The following CORO2A variants were observed in gnomAD, a reference collection of about 807,000 sequenced individuals.
The protein encoded by CORO2A is coronin-2A.
A neutral mutation model predicts 62.4 loss-of-function variants in CORO2A; 47 were observed. That is an observed-to-expected ratio of 0.75 (90% CI 0.60 to 0.96). The LOEUF (loss-of-function observed/expected upper bound fraction) is 0.96. Ranked by LOEUF, CORO2A falls within the 40% of genes least tolerant of loss-of-function variation. The pLI is 0.00. For synonymous variants in CORO2A, 273 were observed against 268.9 expected (o/e 1.02, Z -0.15); for missense variants, 610 against 684.1 (o/e 0.89, Z 1.21).
intron 1 of CORO2A, among the ~76,000 whole-genome samples, chr9:98,180,066 G>A (rs1306292690): frequency 3.3e-5 from 5 of 152,046 alleles, no homozygotes; most frequent in East Asian, 3.9e-4. Context: ...GACATTTTAC[G>A]ATCATAATGT....
intron 4 of CORO2A, among the ~76,000 whole-genome samples, chr9:98,133,899 C>G (rs566960620): frequency 1.3e-5 from 2 of 151,662 alleles, no homozygotes; most frequent in South Asian, 4.2e-4. Flanking sequence ...GACTACTTGA[C>G]GCATTTTCCC....
intron 1 of CORO2A, among the ~76,000 whole-genome samples, chr9:98,159,857 C>T (rs1827860115): frequency 6.6e-6 from 1 of 152,100 alleles, no homozygotes; most frequent in Non-Finnish European, 1.5e-5. Flanking sequence ...CCTTGGGCCC[C>T]CACCTTCCCC....
chr9:98,176,025 A>G (rs1828104902), intron 1 of CORO2A, among the ~76,000 whole-genome samples: 1 of 152,246 alleles, frequency 6.6e-6, no homozygotes, highest in South Asian at 2.1e-4. Flanking sequence ...ATAAAAATGA[A>G]TATGGGCTTT....
chr9:98,158,933 T>C (rs898545626), intron 1 of CORO2A, among the ~76,000 whole-genome samples: 2 of 152,128 alleles, frequency 1.3e-5, no homozygotes, highest in African/African-American at 4.8e-5. Flanking sequence ...ACAAGTGGCC[T>C]GTGAGAGGGT....
At chr9:98,151,455 G>A (rs1264504157) in intron 2 of CORO2A, among the ~76,000 whole-genome samples, 1 of 152,122 alleles carries the variant, frequency 6.6e-6, no homozygotes, top group Non-Finnish European at 1.5e-5. Context: ...TATTGCAAAT[G>A]TTTAATTATA....
chr9:98,131,160 G>A (rs990735192), intron 6 of CORO2A, 101 bp from the exon 7 acceptor site: 2 of 735,416 alleles, frequency 2.7e-6, no homozygotes, highest in Admixed American at 2.5e-5. Context: ...CTGGGCGAGA[G>A]TGTGTGTGTC....
At chr9:98,125,709 ATT>A (rs993617176) in intron 11 of CORO2A, among the ~76,000 whole-genome samples, 68 of 89,578 alleles carry the variant, frequency 7.6e-4, no homozygotes, top group African/African-American at 2.9e-3. Context: ...GTTTCCCACC[ATT>A]TTTTTTTTTT....
chr9:98,177,466 T>TG (rs1828123790), intron 1 of CORO2A, among the ~76,000 whole-genome samples: 1 of 136,056 alleles, frequency 7.3e-6, no homozygotes, highest in African/African-American at 3.0e-5. Context: ...TGTTTTTTTT[T>TG]TTTTTTTTTT....
At chr9:98,141,349 CTTTTTT>C (rs138734683) in intron 2 of CORO2A, among the ~76,000 whole-genome samples, 21 of 103,844 alleles carry the variant, frequency 2.0e-4, no homozygotes, top group Non-Finnish European at 4.0e-4. Flanking sequence ...ACCACTGACC[CTTTTTT>C]TTTTTTTTTT....
chr9:98,155,342 A>AATTTTT (rs747348070), intron 2 of CORO2A, among the ~76,000 whole-genome samples: 1 of 101,862 alleles, frequency 9.8e-6, no homozygotes, highest in Non-Finnish European at 1.9e-5. Flanking sequence ...TTATTGCTCA[A>AATTTTT]TTTTTTTTTT....
Position 98,151,909 on chromosome 9 carries a change from C to T in CORO2A, c.201+5551G>A, listed in dbSNP as rs190879463. On this transcript the variant is annotated intron_variant, in intron 2 of 11. Coordinates refer to ENST00000375077, the MANE Select transcript of CORO2A (RefSeq NM_052820.4). ...TCGACTCACTGCAAGCTCTGCCTCC[C>T]GGGTTCACGCCATTCTCCTGCCTCA... 1.3e-3 allele frequency among the ~76,000 whole-genome samples: 202 copies of T among 151,184 alleles called. 1 individual carries two copies. The East Asian group carries it at 0.035, about 26-fold the overall frequency.
chr9:98,138,674 C>G (rs2118827319), intron 2 of CORO2A, among the ~76,000 whole-genome samples: 1 of 152,322 alleles, frequency 6.6e-6, no homozygotes, highest in African/African-American at 2.4e-5. Context: ...AGATGATGTT[C>G]CAGATGTGGT....
At chr9:98,135,637 G>A (rs1009588158) in intron 3 of CORO2A, among the ~76,000 whole-genome samples, 1 of 152,148 alleles carries the variant, frequency 6.6e-6, no homozygotes, top group Non-Finnish European at 1.5e-5. Flanking sequence ...TATACAAATG[G>A]AGTACAAGGT....
chr9:98,141,349 CTTTT>C (rs138734683), intron 2 of CORO2A, among the ~76,000 whole-genome samples: 6 of 103,828 alleles, frequency 5.8e-5, no homozygotes, highest in African/African-American at 1.8e-4. Context: ...ACCACTGACC[CTTTT>C]TTTTTTTTTT....
At chr9:98,134,990 C>G in intron 3 of CORO2A, 35 bp from the exon 4 acceptor site, 1 of 1,607,036 alleles carries the variant, frequency 6.2e-7, no homozygotes. Context: ...GCAGCATTAG[C>G]CAGGGCACCT....
Position 98,155,032 on chromosome 9 carries a change from C to T in CORO2A, c.201+2428G>A, listed in dbSNP as rs187672881. On this transcript the variant is annotated intron_variant, in intron 2 of 11. Coordinates refer to ENST00000375077, the MANE Select transcript of CORO2A (RefSeq NM_052820.4). The stretch of plus-strand genomic sequence containing the variant: ...AAAACAGGTGTGCCAGTTTACACTC[C>T]CATCAGAAGTGTCTGATCGTTTACA... Among the ~76,000 whole-genome samples the T allele has an allele frequency of 2.5e-3, 388 of 152,276 alleles. 1 individual carries two copies. The highest frequency in any genetic ancestry group is 3.8e-3 in the Non-Finnish European group (259 of 68,010).
At chr9:98,163,563 T>C (rs1222143793) in intron 1 of CORO2A, among the ~76,000 whole-genome samples, 2 of 152,158 alleles carry the variant, frequency 1.3e-5, no homozygotes, top group African/African-American at 4.8e-5. Context: ...TTTTCCCCCA[T>C]TTGATGATGG....
chr9:98,179,159 C>A (rs949891906), intron 1 of CORO2A, among the ~76,000 whole-genome samples: 8 of 152,172 alleles, frequency 5.3e-5, no homozygotes, highest in Non-Finnish European at 1.5e-5. Context: ...TGTTTGAGTG[C>A]CGGTAAAGTC....
At chr9:98,138,194 C>A (rs994067939) in intron 2 of CORO2A, among the ~76,000 whole-genome samples, 9 of 152,142 alleles carry the variant, frequency 5.9e-5, no homozygotes, top group African/African-American at 2.2e-4. Flanking sequence ...GTGGGTGGAT[C>A]ACCTGAGGTC....
Sources: allele counts gnomAD v4.1 joint callset (sites outside exome capture counted in the v4.1 genomes callset), GRCh38; gene constraint gnomAD v4.1.1; transcripts MANE v1.5; gene names NCBI Gene and HGNC (gene_info 2026-07-23, HGNC 2026-07-21).